PDE4D: variants seen among roughly 807,000 people sequenced by gnomAD.
PDE4D encodes the protein 3',5'-cyclic-AMP phosphodiesterase 4D.
Under a neutral mutation model 87.4 loss-of-function variants are expected in PDE4D, and 24 were observed. The ratio of observed to expected loss-of-function variants is 0.27; its 90% confidence interval spans 0.20 to 0.39. The LOEUF is 0.39. PDE4D is among the 10% of genes least tolerant of loss of function. The pLI, the probability that PDE4D is intolerant of heterozygous loss-of-function variation, is 1.00. For missense variants in PDE4D, 714 were observed against 1,041.0 expected, an observed-to-expected ratio of 0.69 and a Z score of 4.32; for synonymous variants, 384 against 383.2, an observed-to-expected ratio of 1.00 and a Z score of -0.02.
chr5:60,135,470 G>A (rs186453145), intron 2 of PDE4D, among the ~76,000 whole-genome samples: 129 of 152,228 alleles, frequency 8.5e-4, no homozygotes, highest in Non-Finnish European at 1.5e-3. Flanking sequence ...CGTGCAAGAT[G>A]AGCTATGAAA....
At chr5:60,431,283 G>C (rs1422166235) in intron 1 of PDE4D, among the ~76,000 whole-genome samples, 1 of 151,348 alleles carries the variant, frequency 6.6e-6, no homozygotes, top group Non-Finnish European at 1.5e-5. Flanking sequence ...AGACGGGGCA[G>C]CTGCCGGGCG....
intron 1 of PDE4D, among the ~76,000 whole-genome samples, chr5:59,646,954 G>A (rs1039066328): frequency 5.9e-5 from 9 of 152,234 alleles, no homozygotes; most frequent in Non-Finnish European, 1.0e-4. Flanking sequence ...AGAATCGCTT[G>A]AACCCGGGAG....
intron 2 of PDE4D, among the ~76,000 whole-genome samples, chr5:60,169,304 G>A (rs1393864988): frequency 6.6e-6 from 1 of 152,042 alleles, no homozygotes; most frequent in Non-Finnish European, 1.5e-5. Context: ...AAACATTAAA[G>A]AAAAAGATCA....
chr5:59,712,393 C>CATATATATATATAT (rs5868190), intron 1 of PDE4D, among the ~76,000 whole-genome samples: 10 of 122,594 alleles, frequency 8.2e-5, no homozygotes, highest in African/African-American at 1.2e-4. Context: ...TAATATTATT[C>CATATATATATATAT]ATATATATAT....
intron 1 of PDE4D, among the ~76,000 whole-genome samples, chr5:59,564,774 T>A (rs142938686): frequency 6.6e-6 from 1 of 151,694 alleles, no homozygotes; most frequent in Non-Finnish European, 1.5e-5. Context: ...TTTGTGTGAG[T>A]GAGAAAGGCA....
intron 1 of PDE4D, among the ~76,000 whole-genome samples, chr5:59,256,641 C>T (rs774543715): frequency 1.4e-4 from 22 of 151,972 alleles, no homozygotes; most frequent in African/African-American, 2.4e-4. Context: ...GTTCATGGAA[C>T]GTAGGGCTAT....
At chr5:59,582,162 T>C (rs1824275963) in intron 1 of PDE4D, among the ~76,000 whole-genome samples, 2 of 152,168 alleles carry the variant, frequency 1.3e-5, no homozygotes, top group African/African-American at 4.8e-5. Flanking sequence ...TACCTGCAAT[T>C]TCACTGGAAG....
At chr5:60,342,177 G>C (rs924900235) in intron 1 of PDE4D, among the ~76,000 whole-genome samples, 1 of 152,096 alleles carries the variant, frequency 6.6e-6, no homozygotes, top group African/African-American at 2.4e-5. Context: ...ATAATCAAAA[G>C]GCTCATTTCT....
chr5:59,965,093 G>T (rs1311964293), intron 3 of PDE4D, among the ~76,000 whole-genome samples: 1 of 151,976 alleles, frequency 6.6e-6, no homozygotes, highest in Non-Finnish European at 1.5e-5. Context: ...TTTTACTATG[G>T]ATAAACTGTC....
intron 2 of PDE4D, among the ~76,000 whole-genome samples, chr5:60,041,877 G>A (rs1215093731): frequency 6.6e-6 from 1 of 151,128 alleles, no homozygotes; most frequent in Non-Finnish European, 1.5e-5. Context: ...CTGGGTGGCT[G>A]TTTGGGCAGA....
chr5:59,556,209 T>G lies in PDE4D; in HGVS notation c.455+336959A>C, dbSNP rs144809740. On this transcript the variant is annotated intron_variant, in intron 1 of 14. Transcript: ENST00000340635. ...GTGTCACACTGCACTACTAGTGGCCTGCACATCTGAGACAGAGTATCTCTT... is the reference window on the plus strand; with the variant it reads ...GTGTCACACTGCACTACTAGTGGCCGGCACATCTGAGACAGAGTATCTCTT... Among the ~76,000 whole-genome samples, 15 of 152,326 alleles carry G rather than the reference T, an allele frequency of 9.8e-5. 1 individual carries two copies. The highest frequency in any genetic ancestry group is 3.6e-4 in the African/African-American group (15 of 41,576).
chr5:60,441,831 T>C (rs1745239305), intron 1 of PDE4D, among the ~76,000 whole-genome samples: 2 of 151,816 alleles, frequency 1.3e-5, no homozygotes, highest in African/African-American at 4.8e-5. Context: ...TGCAAACGTA[T>C]GAAAAAAAAG....
intron 1 of PDE4D, among the ~76,000 whole-genome samples, chr5:60,244,310 A>G (rs1007992686): frequency 2.6e-5 from 4 of 152,020 alleles, no homozygotes; most frequent in African/African-American, 9.7e-5. Context: ...GGACACAAAA[A>G]GATGGAACGA....
intron 5 of PDE4D, among the ~76,000 whole-genome samples, chr5:59,147,559 G>A (rs1018518245): frequency 6.6e-6 from 1 of 152,114 alleles, no homozygotes; most frequent in Non-Finnish European, 1.5e-5. Flanking sequence ...AACCTAGAGT[G>A]AGCATTCTAT....
In PDE4D at chr5:59,729,335, G is replaced by A. The variant is rs150524299; in HGVS notation, c.455+163833C>T. Among the ~76,000 whole-genome samples the A allele has an allele frequency of 7.0e-3, 1,067 of 152,128 alleles. 15 individuals carry two copies. The highest frequency in any genetic ancestry group is 0.024 in the African/African-American group (977 of 41,526). ...CTTCTCCTTGAGAAAGTTTGCACCA[G>A]ACCAACAGAAAGTTTCGTATATTTG... On this transcript the variant is annotated intron_variant, in intron 1 of 14. Transcript: ENST00000340635.
chr5:59,421,961 C>T lies in PDE4D; in HGVS notation c.456-205993G>A, dbSNP rs115171058. Among the ~76,000 whole-genome samples, 946 of 152,226 alleles carry T rather than the reference C, an allele frequency of 6.2e-3. 11 individuals are homozygous for T. Among genetic ancestry groups the T allele is most frequent in the African/African-American group, 0.021 (870 of 41,538 alleles). On this transcript the variant is annotated intron_variant, in intron 1 of 14. Transcript: ENST00000340635. ...AATGGTTTAAAACATAGGCTTCAAC[C>T]TTGTTTCCATGGTCCTATGATTGAA...
chr5:60,307,448 A>G (rs529861841), intron 1 of PDE4D, among the ~76,000 whole-genome samples: 1 of 152,350 alleles, frequency 6.6e-6, no homozygotes, highest in South Asian at 2.1e-4. Flanking sequence ...TGAAGAAGCT[A>G]TAGACTAATC....
At chr5:60,142,306 A>T (rs1009058267) in intron 2 of PDE4D, among the ~76,000 whole-genome samples, 1 of 152,164 alleles carries the variant, frequency 6.6e-6, no homozygotes, top group Admixed American at 6.6e-5. Context: ...TCTACTGCGC[A>T]CTATGCTTTG....
chr5:59,333,134 T>C (rs1417166734), intron 1 of PDE4D, among the ~76,000 whole-genome samples: 1 of 152,202 alleles, frequency 6.6e-6, no homozygotes, highest in Non-Finnish European at 1.5e-5. Context: ...TTTGTAGCCA[T>C]AGAACATACT....
Sources: gnomAD v4.1 joint callset for allele counts (sites outside exome capture counted in the v4.1 genomes callset) on GRCh38, gnomAD v4.1.1 for gene constraint, MANE v1.5 for transcripts, NCBI Gene and HGNC (gene_info 2026-07-23, HGNC 2026-07-21) for gene names.